FAM167A: variants seen among roughly 807,000 people sequenced by gnomAD.
The protein encoded by FAM167A is protein FAM167A.
In FAM167A, 23 loss-of-function variants were observed where a neutral mutation model predicts 14.9. That is an observed-to-expected ratio of 1.55 (90% CI 1.11 to 2.19). FAM167A has a LOEUF of 2.19. Among genes scored for constraint, FAM167A ranks in the 30% most tolerant of loss-of-function variants. The pLI, the probability that FAM167A is intolerant of heterozygous loss-of-function variation, is 0.00. For synonymous variants in FAM167A, 174 were observed against 117.7 expected (o/e 1.48, Z -3.10); for missense variants, 401 against 281.5 (o/e 1.42, Z -3.04).
intron 1 of FAM167A, among the ~76,000 whole-genome samples, chr8:11,458,163 T>C (rs1026996117): frequency 3.3e-5 from 5 of 152,174 alleles, no homozygotes; most frequent in African/African-American, 9.7e-5. Context: ...TGAGTTGAGA[T>C]GGGGTGGTTT....
intron 1 of FAM167A, among the ~76,000 whole-genome samples, chr8:11,459,673 C>G (rs1452834151): frequency 6.6e-6 from 1 of 152,208 alleles, no homozygotes; most frequent in South Asian, 2.1e-4. Context: ...CTGGACAAGT[C>G]ACACGACTCT....
intron 2 of FAM167A, 80 bp downstream of exon 2, chr8:11,443,951 A>T: frequency 6.7e-7 from 1 of 1,495,714 alleles, no homozygotes; most frequent in Non-Finnish European, 9.0e-7. Context: ...GTGGGGAGAC[A>T]GACAGAGAGA....
intron 2 of FAM167A, among the ~76,000 whole-genome samples, chr8:11,427,113 G>T (rs1306261328): frequency 6.6e-6 from 1 of 152,178 alleles, no homozygotes; most frequent in Admixed American, 6.5e-5. Flanking sequence ...AAAATGGGAG[G>T]CAGCTTTGCC....
Position 11,464,365 on chromosome 8 carries a change from T to A in FAM167A, c.-398+2261A>T, listed in dbSNP as rs561309556. Among the ~76,000 whole-genome samples the A allele has an allele frequency of 3.3e-5, 5 of 152,166 alleles. No individual in the cohort carries two copies. The South Asian group carries it at 1.0e-3, about 32-fold the overall frequency. ...CACGGCCCTCGGTGGCAGCTCAGAC[T>A]CTACAGGTGATTGCAGAGCCAGTGA... On this transcript the variant is annotated intron_variant, in intron 1 of 2. Coordinates refer to ENST00000284486, the MANE Select transcript of FAM167A (RefSeq NM_053279.3).
chr8:11,459,610 G>A (rs932177771), intron 1 of FAM167A, among the ~76,000 whole-genome samples: 1 of 152,228 alleles, frequency 6.6e-6, no homozygotes, highest in Non-Finnish European at 1.5e-5. Context: ...GCAGGGCTGG[G>A]CAGTGAGGGG....
At chr8:11,431,211 TGAAAAG>T (rs993541571) in intron 2 of FAM167A, among the ~76,000 whole-genome samples, 1 of 152,226 alleles carries the variant, frequency 6.6e-6, no homozygotes, top group African/African-American at 2.4e-5. Context: ...TATTCAGCCT[TGAAAAG>T]GAAGACAATC....
chr8:11,460,174 C>T lies in FAM167A; in HGVS notation c.-398+6452G>A, dbSNP rs1052800402. Among the ~76,000 whole-genome samples the T allele has an allele frequency of 9.2e-5, 14 of 152,360 alleles. No individual in the cohort carries two copies. The East Asian group carries it at 1.2e-3, about 13-fold the overall frequency. On this transcript the variant is annotated intron_variant, in intron 1 of 2. Transcript: ENST00000284486. The stretch of plus-strand genomic sequence containing the variant: ...ACTACAGGGCTCTGGGAGGGGCAGG[C>T]GCCCTAGTGGGCTGCACCCGTAGAT...
chr8:11,434,481 G>A (rs1428232277), intron 2 of FAM167A, among the ~76,000 whole-genome samples: 2 of 152,106 alleles, frequency 1.3e-5, no homozygotes, highest in East Asian at 1.9e-4. Context: ...TGCCCCCTGG[G>A]GAATGGTGAG....
At chr8:11,472,170 C>G (rs1359404792), upstream of FAM167A, among the ~76,000 whole-genome samples, 1 of 152,186 alleles carries the variant, frequency 6.6e-6, no homozygotes, top group Non-Finnish European at 1.5e-5. Flanking sequence ...CTGATTTGAG[C>G]CTTTCTTGCT....
At chr8:11,439,647 A>C (rs1806308465) in intron 2 of FAM167A, among the ~76,000 whole-genome samples, 1 of 150,884 alleles carries the variant, frequency 6.6e-6, no homozygotes, top group South Asian at 2.1e-4. Context: ...GTCTGCAGGG[A>C]TCACACACCT....
chr8:11,447,381 C>T (rs556473480), intron 1 of FAM167A, among the ~76,000 whole-genome samples: 3 of 152,176 alleles, frequency 2.0e-5, no homozygotes, highest in African/African-American at 7.2e-5. Flanking sequence ...CAAGGTTTCA[C>T]CACCTTGGCC....
intron 2 of FAM167A, chr8:11,433,847 A>G (rs553338628): frequency 1.4e-4 from 22 of 152,348 alleles, no homozygotes; most frequent in African/African-American, 5.3e-4. Flanking sequence ...TTTGGGAATG[A>G]GACTCACAGT....
chr8:11,424,990 CAGG>C (rs755910467), intron 2 of FAM167A, among the ~76,000 whole-genome samples: 1 of 152,090 alleles, frequency 6.6e-6, no homozygotes, highest in Non-Finnish European at 1.5e-5. Context: ...CTATCAAATT[CAGG>C]AGGATGGTTG....
intron 1 of FAM167A, among the ~76,000 whole-genome samples, chr8:11,458,453 A>G (rs540771640): frequency 1.3e-5 from 2 of 152,220 alleles, no homozygotes; most frequent in East Asian, 3.9e-4. Context: ...TTCTGTGGGC[A>G]TCACTCCTGT....
At position 11,424,504 on chromosome 8, in the gene FAM167A, C is replaced by G. The variant is rs1352145331; in HGVS notation, c.514G>C (p.Glu172Gln). Residue 172 changes from glutamate (E) to glutamine (Q), a missense_variant, in exon 3 of 3, where the codon GAG becomes CAG. By Grantham distance (29) the Glu-to-Gln change is conservative. Coordinates refer to ENST00000284486, the MANE Select transcript of FAM167A (RefSeq NM_053279.3). The stretch of plus-strand genomic sequence containing the variant: ...AGGTCGGCCAGCTCATCCCGCTCCT[C>G]CAGCTCGTAGGTGGCATCGTTGAGC... ...RMLNDATYEL[E>Q]ERDELADLFC... 2 of 1,614,194 alleles carry G rather than the reference C, an allele frequency of 1.2e-6. No individual in the cohort carries two copies. The highest frequency in any genetic ancestry group is 1.1e-5 in the South Asian group (1 of 91,082).
At chr8:11,440,215 G>A (rs909753692) in intron 2 of FAM167A, among the ~76,000 whole-genome samples, 3 of 152,192 alleles carry the variant, frequency 2.0e-5, no homozygotes, top group Non-Finnish European at 2.9e-5. Flanking sequence ...AGCCCTGCCT[G>A]CCACAGCCAG....
chr8:11,428,586 C>T (rs1398292314), intron 2 of FAM167A, among the ~76,000 whole-genome samples: 1 of 152,208 alleles, frequency 6.6e-6, no homozygotes, highest in Non-Finnish European at 1.5e-5. Flanking sequence ...GGCTTTGGTT[C>T]TGAGGGCATC....
chr8:11,461,812 C>T (rs1807550640), intron 1 of FAM167A, among the ~76,000 whole-genome samples: 1 of 152,254 alleles, frequency 6.6e-6, no homozygotes, highest in Non-Finnish European at 1.5e-5. Context: ...TTTTACTCTG[C>T]AGCACAAGTT....
At chr8:11,446,016 C>CAA (rs36111790) in intron 1 of FAM167A, among the ~76,000 whole-genome samples, 1,588 of 83,988 alleles carry the variant, frequency 0.019, 32 homozygotes, top group African/African-American at 0.063. Flanking sequence ...ACATCCCGGC[C>CAA]AAAAAAAAAA....
Sources: allele counts gnomAD v4.1 joint callset (sites outside exome capture counted in the v4.1 genomes callset), GRCh38; gene constraint gnomAD v4.1.1; transcripts MANE v1.5; gene names NCBI Gene and HGNC (gene_info 2026-07-23, HGNC 2026-07-21).